ST18: variants seen among roughly 807,000 people sequenced by gnomAD.
ST18 encodes suppression of tumorigenicity 18 protein.
Under a neutral mutation model 110.0 loss-of-function variants are expected in ST18, and 50 were observed. The ratio of observed to expected loss-of-function variants is 0.45; its 90% CI spans 0.36 to 0.58. The LOEUF (loss-of-function observed/expected upper bound fraction) is 0.58. Ranked by LOEUF, ST18 falls within the 20% of genes least tolerant of loss-of-function variation. The probability of loss-of-function intolerance (pLI) is 0.00; values close to 1 mark genes in which losing one functional copy is unlikely to be tolerated. For synonymous variants in ST18, 461 were observed against 452.4 expected (o/e 1.02, Z -0.24); for missense variants, 1,306 against 1,280.1 (o/e 1.02, Z -0.31).
chr8:52,278,326 A>C (rs1345362969), intron 2 of ST18, among the ~76,000 whole-genome samples: 1 of 152,234 alleles, frequency 6.6e-6, no homozygotes, highest in Non-Finnish European at 1.5e-5. Context: ...AAAAATAAAA[A>C]CACCTTCTTG....
intron 10 of ST18, among the ~76,000 whole-genome samples, chr8:52,169,963 A>C (rs2064250649): frequency 6.6e-6 from 1 of 152,210 alleles, no homozygotes; most frequent in African/African-American, 2.4e-5. Context: ...TGAAAACAAA[A>C]AAAAAGAAGT....
intron 22 of ST18, among the ~76,000 whole-genome samples, chr8:52,128,704 A>C (rs193025345): frequency 6.6e-6 from 1 of 152,206 alleles, no homozygotes; most frequent in Non-Finnish European, 1.5e-5. Context: ...TGCCTGGCCC[A>C]TGGTGAGGAC....
chr8:52,229,947 C>G (rs1004407608), intron 3 of ST18, 85 bp downstream of exon 3: 4 of 152,500 alleles, frequency 2.6e-5, no homozygotes, highest in Admixed American at 2.6e-4. Flanking sequence ...AGTTCCTTAA[C>G]TTCTCAGGTT....
In ST18 at chr8:52,295,716, T is replaced by TG. The variant is rs528013967; in HGVS notation, c.-464-65640_-464-65639insC. 1.7e-4 allele frequency among the ~76,000 whole-genome samples: 26 copies of TG among 150,084 alleles called. No homozygotes were observed. The South Asian group carries it at 5.5e-3, about 32-fold the overall frequency. ...AAGAGCTTCTCTTTTTTTCCTTTTT[T>TG]TTTTTTTTTTTTGAATTAAGGGAGA... On this transcript the variant is annotated intron_variant, in intron 2 of 25. Coordinates refer to ENST00000689386, the MANE Select transcript of ST18 (RefSeq NM_001352837.2).
chr8:52,136,722 C>T, intron 18 of ST18, 64 bp from the exon 19 acceptor site: 1 of 1,379,414 alleles, frequency 7.2e-7, no homozygotes, highest in Non-Finnish European at 1.0e-6. Flanking sequence ...AGTCAAATGG[C>T]ATCCTGAGTC....
chr8:52,315,431 A>C (rs1382021400), intron 2 of ST18, among the ~76,000 whole-genome samples: 1 of 152,206 alleles, frequency 6.6e-6, no homozygotes, highest in Non-Finnish European at 1.5e-5. Context: ...CTTTGCTCAG[A>C]TGTCCCTTCA....
At chr8:52,384,179 A>G (rs1285826097) in intron 2 of ST18, among the ~76,000 whole-genome samples, 3 of 152,122 alleles carry the variant, frequency 2.0e-5, no homozygotes, top group Admixed American at 6.6e-5. Flanking sequence ...CAAAATTACA[A>G]CCTATTTCTA....
At chr8:52,165,516 AC>A in intron 11 of ST18, among the ~76,000 whole-genome samples, 1 of 152,182 alleles carries the variant, frequency 6.6e-6, no homozygotes, top group Admixed American at 6.5e-5. Context: ...CCTTCCCATC[AC>A]CTGAATGTGA....
chr8:52,361,546 C>T (rs1350125137), intron 2 of ST18, among the ~76,000 whole-genome samples: 3 of 152,154 alleles, frequency 2.0e-5, no homozygotes, highest in Non-Finnish European at 4.4e-5. Flanking sequence ...AATGGGATGA[C>T]ATTTAAATAA....
At chr8:52,222,755 C>G (rs1275735115) in intron 3 of ST18, among the ~76,000 whole-genome samples, 1 of 152,128 alleles carries the variant, frequency 6.6e-6, no homozygotes, top group East Asian at 1.9e-4. Context: ...TTTAAAAAAC[C>G]ATTTTTCTTA....
At chr8:52,288,711 A>T (rs912528843) in intron 2 of ST18, among the ~76,000 whole-genome samples, 16 of 152,020 alleles carry the variant, frequency 1.1e-4, no homozygotes, top group Non-Finnish European at 2.4e-4. Context: ...AAAAAAAAAA[A>T]AATAAAAGGA....
chr8:52,289,934 A>G (rs868858949), intron 2 of ST18, among the ~76,000 whole-genome samples: 3 of 150,810 alleles, frequency 2.0e-5, no homozygotes, highest in South Asian at 4.2e-4. Context: ...TTTTTTTTTT[A>G]ATAGACTGGG....
At chr8:52,140,198 A>G (rs1182540429) in intron 17 of ST18, among the ~76,000 whole-genome samples, 2 of 152,214 alleles carry the variant, frequency 1.3e-5, no homozygotes, top group East Asian at 3.9e-4. Context: ...GACACATGCA[A>G]ATAAGTGATA....
intron 2 of ST18, among the ~76,000 whole-genome samples, chr8:52,372,436 T>C (rs1173114098): frequency 6.6e-6 from 1 of 152,188 alleles, no homozygotes; most frequent in Non-Finnish European, 1.5e-5. Context: ...TTTTTATACA[T>C]TTATTACAGC....
chr8:52,389,263 G>A (rs1838353005), intron 2 of ST18, among the ~76,000 whole-genome samples: 1 of 152,178 alleles, frequency 6.6e-6, no homozygotes, highest in Admixed American at 6.5e-5. Context: ...AGGCGGAAAA[G>A]GTGTGGAGAG....
chr8:52,326,943 T>C (rs927769425), intron 2 of ST18, among the ~76,000 whole-genome samples: 1 of 152,266 alleles, frequency 6.6e-6, no homozygotes, highest in East Asian at 1.9e-4. Context: ...CCAAGCAGTG[T>C]TTCTGGGGAG....
intron 2 of ST18, among the ~76,000 whole-genome samples, chr8:52,399,754 G>A (rs4873210): frequency 0.63 from 94,838 of 151,728 alleles, 31,924 homozygotes; most frequent in Non-Finnish European, 0.74. Context: ...TCCTCCTGTT[G>A]TCGACTTCTA....
At chr8:52,361,520 G>C (rs1392461262) in intron 2 of ST18, among the ~76,000 whole-genome samples, 1 of 152,136 alleles carries the variant, frequency 6.6e-6, no homozygotes, top group Non-Finnish European at 1.5e-5. Context: ...ATATGTCATG[G>C]AGAATTTACC....
At chr8:52,316,130 TC>T (rs2096020863) in intron 2 of ST18, among the ~76,000 whole-genome samples, 1 of 152,192 alleles carries the variant, frequency 6.6e-6, no homozygotes, top group Non-Finnish European at 1.5e-5. Flanking sequence ...ATAACACAGG[TC>T]AAATTAAAAT....
Sources: allele counts gnomAD v4.1 joint callset (sites outside exome capture counted in the v4.1 genomes callset), GRCh38; gene constraint gnomAD v4.1.1; transcripts MANE v1.5; gene names NCBI Gene and HGNC (gene_info 2026-07-23, HGNC 2026-07-21).